SHISA6: variants seen among roughly 807,000 people sequenced by gnomAD.
SHISA6 encodes the protein protein shisa-6.
A neutral mutation model predicts 47.9 loss-of-function variants in SHISA6; 22 were observed. That is an observed-to-expected ratio of 0.46 (90% CI 0.33 to 0.66). The LOEUF is 0.66. Among genes scored for constraint, SHISA6 ranks in the 30% least tolerant of loss-of-function variants. The pLI is 0.02. For missense variants in SHISA6, 680 were observed against 764.6 expected, an observed-to-expected ratio of 0.89 and a Z score of 1.30; for synonymous variants, 388 against 337.8, an observed-to-expected ratio of 1.15 and a Z score of -1.63.
intron 1 of SHISA6, among the ~76,000 whole-genome samples, chr17:11,260,570 C>T (rs916896336): frequency 2.0e-5 from 3 of 151,946 alleles, no homozygotes; most frequent in African/African-American, 7.3e-5. Flanking sequence ...CTGGATTTCC[C>T]TTTGGTTCTC....
chr17:11,502,899 GCA>G (rs1265150822), intron 3 of SHISA6, among the ~76,000 whole-genome samples: 1 of 152,162 alleles, frequency 6.6e-6, no homozygotes, highest in Admixed American at 6.5e-5. Context: ...ATGGGTTTGG[GCA>G]CAGAGCTGGG....
chr17:11,558,218 C>T lies in SHISA6; in HGVS notation c.1570C>T (p.Arg524Cys), dbSNP rs1490636531. The change falls in exon 6 of 6, where the codon CGC (arginine) becomes TGC (cysteine). Residue 524 changes from arginine to cysteine, a missense_variant. By Grantham distance (180) the Arg-to-Cys change is radical. Around this residue, in one of 2 missense-constraint regions of SHISA6, gnomAD observed 559 missense variants for 674.1 expected, o/e 0.83. Coordinates refer to ENST00000441885, the MANE Select transcript of SHISA6 (RefSeq NM_207386.4). ...AGCCAAGCGTCATGCCTTTGCCTCA[C>T]GCAGACACAACACGGTGGAGCAGCT... ...TAAKRHAFASRRHNTVEQLHY... is the reference protein window; with the variant it reads ...TAAKRHAFASCRHNTVEQLHY... 7.8e-6 allele frequency: 12 copies of T among 1,541,998 alleles called. No homozygotes were observed. Among genetic ancestry groups the T allele is most frequent in the Non-Finnish European group, 7.8e-6 (9 of 1,146,954 alleles).
intron 2 of SHISA6, among the ~76,000 whole-genome samples, chr17:11,337,201 G>A (rs994254655): frequency 6.6e-6 from 1 of 152,142 alleles, no homozygotes; most frequent in Admixed American, 6.5e-5. Flanking sequence ...GATCCAGGGG[G>A]CAGAAGTGAG....
At position 11,379,444 on chromosome 17, in the gene SHISA6, G is replaced by A; in HGVS notation, c.830G>A (p.Gly277Glu). Residue 277 changes from glycine (G) to glutamate (E), a missense_variant, in exon 3 of 6, where the codon GGA (glycine) becomes GAA (glutamate). Transcript: ENST00000441885. Reference sequence around the variant, plus strand: ...TATGGGAAGGATGCTTACCGAAGTGGAGGACCTGATCTCCATAACTTCATC... The same window carrying A: ...TATGGGAAGGATGCTTACCGAAGTGAAGGACCTGATCTCCATAACTTCATC... ...GHYGKDAYRS[G>E]GPDLHNFISS... The A allele has an allele frequency of 6.5e-7, 1 of 1,541,448 alleles. No individual in the cohort carries two copies. The highest frequency in any genetic ancestry group is 1.7e-4 in the Middle Eastern group (1 of 5,968).
chr17:11,314,536 TG>T lies in SHISA6; in HGVS notation c.799+51011del, dbSNP rs199532920. ...ATTCCATACTGTTTTTTCATTTTTT[TG>T]TTTTTTTTTTTTTTTGAGATGGAGT... is the stretch of plus-strand genomic sequence containing the variant. On this transcript the variant is annotated intron_variant, in intron 2 of 5. Coordinates refer to ENST00000441885, the MANE Select transcript of SHISA6 (RefSeq NM_207386.4). 2.6e-3 allele frequency among the ~76,000 whole-genome samples: 392 copies of T among 149,616 alleles called. 4 individuals carry two copies. Among genetic ancestry groups the T allele is most frequent in the East Asian group, 7.1e-3 (36 of 5,062 alleles).
intron 3 of SHISA6, among the ~76,000 whole-genome samples, chr17:11,455,693 C>T (rs959203101): frequency 6.6e-6 from 1 of 152,102 alleles, no homozygotes; most frequent in African/African-American, 2.4e-5. Context: ...CCTGACACCC[C>T]CAATTTGCAC....
chr17:11,493,309 TATCC>T (rs2071381374), intron 3 of SHISA6, among the ~76,000 whole-genome samples: 1 of 152,084 alleles, frequency 6.6e-6, no homozygotes, highest in Non-Finnish European at 1.5e-5. Context: ...CTCACTGCAG[TATCC>T]ACCACGGAGT....
intron 2 of SHISA6, among the ~76,000 whole-genome samples, chr17:11,339,536 G>A (rs531385794): frequency 1.3e-5 from 2 of 152,262 alleles, no homozygotes; most frequent in South Asian, 2.1e-4. Context: ...GTGGAAATTA[G>A]CAGGACTCTA....
intron 3 of SHISA6, among the ~76,000 whole-genome samples, chr17:11,526,109 G>GGCCC (rs1597569226): frequency 1.0e-5 from 1 of 96,984 alleles, no homozygotes; most frequent in African/African-American, 4.8e-5. Context: ...CTACCAAGGG[G>GGCCC]ACCCCCCCCC....
chr17:11,286,694 G>C (rs564949073), intron 2 of SHISA6, among the ~76,000 whole-genome samples: 15 of 152,322 alleles, frequency 9.8e-5, no homozygotes, highest in African/African-American at 3.6e-4. Context: ...CAGTTCAGAG[G>C]AAGGTTCTTT....
chr17:11,405,933 A>G (rs1243316250), intron 3 of SHISA6, among the ~76,000 whole-genome samples: 1 of 152,134 alleles, frequency 6.6e-6, no homozygotes, highest in African/African-American at 2.4e-5. Context: ...TCTCTCCAAA[A>G]TCTGTTTTCC....
At chr17:11,381,231 T>C (rs976018396) in intron 3 of SHISA6, among the ~76,000 whole-genome samples, 1 of 152,148 alleles carries the variant, frequency 6.6e-6, no homozygotes, top group African/African-American at 2.4e-5. Flanking sequence ...CTTACTCTTA[T>C]AGGTGGTCCA....
intron 2 of SHISA6, among the ~76,000 whole-genome samples, chr17:11,341,327 T>TA (rs1911520560): frequency 1.6e-5 from 2 of 125,822 alleles, no homozygotes; most frequent in African/African-American, 5.7e-5. Context: ...TCTCTCTCTC[T>TA]CTTTTTTTTT....
intron 2 of SHISA6, among the ~76,000 whole-genome samples, chr17:11,363,731 T>G (rs1400143090): frequency 6.6e-6 from 1 of 152,178 alleles, no homozygotes; most frequent in Non-Finnish European, 1.5e-5. Context: ...CTGAAAGCTC[T>G]TCTCCATAAG....
intron 2 of SHISA6, among the ~76,000 whole-genome samples, chr17:11,274,772 C>G (rs890109577): frequency 1.3e-5 from 2 of 152,150 alleles, no homozygotes; most frequent in African/African-American, 4.8e-5. Flanking sequence ...AGCAGAAAGA[C>G]GAGACAATAC....
At chr17:11,263,960 G>A (rs1217992161) in intron 2 of SHISA6, among the ~76,000 whole-genome samples, 1 of 152,210 alleles carries the variant, frequency 6.6e-6, no homozygotes, top group Non-Finnish European at 1.5e-5. Flanking sequence ...CTGAGGGTGA[G>A]AATTAACATC....
intron 3 of SHISA6, among the ~76,000 whole-genome samples, chr17:11,427,407 A>G (rs1914638110): frequency 6.6e-6 from 1 of 152,112 alleles, no homozygotes; most frequent in Non-Finnish European, 1.5e-5. Flanking sequence ...TGCTGGGATT[A>G]CAGGCGTGAG....
chr17:11,307,348 G>T (rs77906119), intron 2 of SHISA6, among the ~76,000 whole-genome samples: 1 of 152,100 alleles, frequency 6.6e-6, no homozygotes, highest in Non-Finnish European at 1.5e-5. Flanking sequence ...TTAGCTTGGG[G>T]AGCTAGGTTT....
At chr17:11,407,639 G>A (rs181238543) in intron 3 of SHISA6, among the ~76,000 whole-genome samples, 8 of 152,160 alleles carry the variant, frequency 5.3e-5, no homozygotes, top group Non-Finnish European at 2.9e-5. Flanking sequence ...TGTGTTCCTC[G>A]AGTTTTGCTT....
Sources: allele counts gnomAD v4.1 joint callset (sites outside exome capture counted in the v4.1 genomes callset), GRCh38; gene constraint gnomAD v4.1.1; regional missense constraint gnomAD v4.1.1; transcripts MANE v1.5; gene names NCBI Gene and HGNC (gene_info 2026-07-23, HGNC 2026-07-21).